RIN2: variants seen among roughly 807,000 people sequenced by gnomAD.
RIN2 encodes Ras and Rab interactor 2, also known as RAB5 interacting protein 2.
Under a neutral mutation model 78.0 loss-of-function variants are expected in RIN2, and 36 were observed. That is an observed-to-expected ratio of 0.46 (90% CI 0.35 to 0.61). RIN2 has a LOEUF of 0.61. Ranked by LOEUF, RIN2 falls within the 20% of genes least tolerant of loss-of-function variation. The pLI, the probability that RIN2 is intolerant of heterozygous loss-of-function variation, is 0.00. For missense variants in RIN2, 1,087 were observed against 1,159.7 expected, an observed-to-expected ratio of 0.94 and a Z score of 0.91; for synonymous variants, 466 against 466.8, an observed-to-expected ratio of 1.00 and a Z score of 0.02.
At chr20:19,911,594 C>T (rs2039468859) in intron 3 of RIN2, among the ~76,000 whole-genome samples, 1 of 152,220 alleles carries the variant, frequency 6.6e-6, no homozygotes, top group African/African-American at 2.4e-5. Flanking sequence ...TAACACTCCT[C>T]TCTAACCCAC....
chr20:20,000,527 A>G, intron 12 of RIN2, 86 bp from the exon 13 acceptor site: 2 of 1,084,136 alleles, frequency 1.8e-6, no homozygotes. Flanking sequence ...GAAATGGCTT[A>G]CAGTTACCCC....
At chr20:19,848,277 G>A (rs1196765766) in intron 2 of RIN2, among the ~76,000 whole-genome samples, 1 of 152,134 alleles carries the variant, frequency 6.6e-6, no homozygotes, top group African/African-American at 2.4e-5. Flanking sequence ...GCTCATGCCT[G>A]TAATCCCAGC....
chr20:19,980,054 A>AAAAAAC (rs2042398067), intron 9 of RIN2, among the ~76,000 whole-genome samples: 1 of 151,028 alleles, frequency 6.6e-6, no homozygotes, highest in Non-Finnish European at 1.5e-5. Flanking sequence ...CAAAAAAAAA[A>AAAAAAC]AAAAAAAAAA....
At chr20:19,995,540 A>C (rs1214530572) in intron 11 of RIN2, among the ~76,000 whole-genome samples, 2 of 152,194 alleles carry the variant, frequency 1.3e-5, no homozygotes, top group Non-Finnish European at 2.9e-5. Flanking sequence ...CTATGAAGGA[A>C]TACATACACA....
In RIN2 at chr20:20,001,173, T is replaced by G; in HGVS notation, c.*237T>G. The G allele has an allele frequency of 2.0e-6, 1 of 508,434 alleles. No individual in the cohort carries two copies. The highest frequency in any genetic ancestry group is 3.5e-6 in the Non-Finnish European group (1 of 284,056). The allele number at this position is 508,434 out of a possible 1,614,324, so 31.5% of individuals were successfully genotyped here. A position where few individuals can be genotyped will look rare whatever the true frequency, so the allele number is the denominator to read the frequency against. On this transcript the variant is annotated 3_prime_UTR_variant, in exon 13 of 13. Coordinates refer to ENST00000255006, the MANE Select transcript of RIN2 (RefSeq NM_018993.4). ...GGAGAATTGCATCTGATGGTTCAAG[T>G]GTCCTGAGATTGTTTGCTACCTACC...
At chr20:19,907,391 G>T (rs6112649) in intron 3 of RIN2, among the ~76,000 whole-genome samples, 6 of 152,304 alleles carry the variant, frequency 3.9e-5, no homozygotes, top group African/African-American at 1.4e-4. Flanking sequence ...GCAGCTCTAG[G>T]GGAGGCAGCT....
chr20:19,922,280 C>G (rs1209301083), intron 3 of RIN2, among the ~76,000 whole-genome samples: 1 of 152,164 alleles, frequency 6.6e-6, no homozygotes, highest in Non-Finnish European at 1.5e-5. Context: ...TGGTCAAGGA[C>G]TGACCCTGGA....
intron 1 of RIN2, among the ~76,000 whole-genome samples, chr20:19,776,622 C>T (rs745546654): frequency 7.9e-5 from 12 of 151,904 alleles, no homozygotes; most frequent in Non-Finnish European, 1.6e-4. Flanking sequence ...GTCCCAGCTA[C>T]TCGGGAGGCT....
intron 5 of RIN2, among the ~76,000 whole-genome samples, chr20:19,957,781 G>T (rs2041601400): frequency 6.6e-6 from 1 of 152,144 alleles, no homozygotes; most frequent in Non-Finnish European, 1.5e-5. Flanking sequence ...AATAAAATTA[G>T]AAATTCAGCT....
At chr20:19,969,425 C>T (rs892900119) in intron 7 of RIN2, among the ~76,000 whole-genome samples, 3 of 152,108 alleles carry the variant, frequency 2.0e-5, no homozygotes, top group Non-Finnish European at 2.9e-5. Flanking sequence ...AAGGTCCTTC[C>T]CCTCATGATT....
At chr20:19,759,126 C>G (rs961267827) in intron 1 of RIN2, among the ~76,000 whole-genome samples, 1 of 152,166 alleles carries the variant, frequency 6.6e-6, no homozygotes, top group African/African-American at 2.4e-5. Flanking sequence ...CCCTCGACCG[C>G]GCGGGGACAG....
At chr20:19,793,287 C>T (rs941331235) in intron 1 of RIN2, among the ~76,000 whole-genome samples, 2 of 152,006 alleles carry the variant, frequency 1.3e-5, no homozygotes, top group African/African-American at 4.8e-5. Context: ...GTCTTCAAAA[C>T]CTGGAGCATA....
intron 2 of RIN2, among the ~76,000 whole-genome samples, chr20:19,868,896 C>G (rs1194474222): frequency 2.6e-5 from 4 of 152,020 alleles, no homozygotes; most frequent in African/African-American, 9.7e-5. Flanking sequence ...ACCTGGCCAA[C>G]ATCGTGAAAC....
intron 2 of RIN2, among the ~76,000 whole-genome samples, chr20:19,800,466 C>T (rs1011606775): frequency 5.3e-5 from 8 of 152,162 alleles, no homozygotes; most frequent in African/African-American, 1.7e-4. Flanking sequence ...AAAGTGATGT[C>T]GAGTGACATC....
At chr20:19,941,647 A>C (rs1379696715) in intron 4 of RIN2, among the ~76,000 whole-genome samples, 1 of 152,098 alleles carries the variant, frequency 6.6e-6, no homozygotes, top group African/African-American at 2.4e-5. Context: ...CGGCTATGTC[A>C]CTGAGGATTC....
intron 11 of RIN2, among the ~76,000 whole-genome samples, chr20:19,996,168 G>A (rs1387978354): frequency 2.0e-5 from 3 of 152,132 alleles, no homozygotes; most frequent in Admixed American, 1.3e-4. Context: ...ACAAAAATTA[G>A]CCAGGCGTGG....
chr20:19,904,263 AAT>A (rs1555787905), intron 3 of RIN2, among the ~76,000 whole-genome samples: 1 of 146,816 alleles, frequency 6.8e-6, no homozygotes, highest in Admixed American at 6.8e-5. Context: ...ATATATATAA[AAT>A]ATATATATAT....
rs1229048612 is a variant in RIN2, at chr20:19,885,028, G to C, written c.-36-4538G>C. 3.3e-5 allele frequency among the ~76,000 whole-genome samples: 5 copies of C among 152,264 alleles called. No homozygotes were observed. In the East Asian group the frequency reaches 9.7e-4, roughly 29 times the overall value. On this transcript the variant is annotated intron_variant, in intron 2 of 12. Transcript: ENST00000255006. ...CCGTGCTGCCCGGCCTCATTTAACG[G>C]CTAGAAAGAAAAACTGAAGGTTGTG...
At chr20:19,969,326 T>C (rs2042034100) in intron 7 of RIN2, among the ~76,000 whole-genome samples, 2 of 152,164 alleles carry the variant, frequency 1.3e-5, no homozygotes, top group African/African-American at 4.8e-5. Flanking sequence ...ACTAGCACCT[T>C]CCAGCCGCAG....
Sources: allele counts gnomAD v4.1 joint callset (sites outside exome capture counted in the v4.1 genomes callset), GRCh38; gene constraint gnomAD v4.1.1; transcripts MANE v1.5; gene names NCBI Gene and HGNC (gene_info 2026-07-23, HGNC 2026-07-21).